Variants in CCSER1 observed in about 807,000 individuals in gnomAD.
CCSER1 encodes the protein coiled-coil serine rich protein 1.
A neutral mutation model predicts 82.0 loss-of-function variants in CCSER1; 41 were observed. The ratio of observed to expected loss-of-function variants is 0.50; its 90% CI spans 0.39 to 0.65. The LOEUF is 0.65. Among genes scored for constraint, CCSER1 ranks in the 30% least tolerant of loss-of-function variants. CCSER1 has a pLI of 0.00. For missense variants in CCSER1, 1,119 were observed against 1,064.2 expected (o/e 1.05, Z -0.72); for synonymous variants, 414 against 383.9 (o/e 1.08, Z -0.92).
At chr4:90,236,823 A>G (rs1745887352) in intron 1 of CCSER1, among the ~76,000 whole-genome samples, 1 of 152,086 alleles carries the variant, frequency 6.6e-6, no homozygotes, top group African/African-American at 2.4e-5. Flanking sequence ...TTATCATAAC[A>G]TGTTAGATGT....
chr4:91,402,777 A>G (rs1353119451), intron 10 of CCSER1, among the ~76,000 whole-genome samples: 1 of 152,174 alleles, frequency 6.6e-6, no homozygotes, highest in East Asian at 1.9e-4. Flanking sequence ...TACCAGTGCC[A>G]TGCTGTTTTG....
intron 9 of CCSER1, among the ~76,000 whole-genome samples, chr4:91,084,181 C>G (rs903397940): frequency 1.3e-5 from 2 of 152,088 alleles, no homozygotes; most frequent in African/African-American, 4.8e-5. Flanking sequence ...ATCCACCTGC[C>G]TGTGCCTCCC....
At chr4:91,460,292 T>C (rs1756433524) in intron 10 of CCSER1, among the ~76,000 whole-genome samples, 1 of 152,106 alleles carries the variant, frequency 6.6e-6, no homozygotes, top group Non-Finnish European at 1.5e-5. Context: ...TCCATTAACA[T>C]CTCAGATTTC....
chr4:90,903,632 G>A (rs1003209150), intron 8 of CCSER1, among the ~76,000 whole-genome samples: 3 of 152,024 alleles, frequency 2.0e-5, no homozygotes, highest in Non-Finnish European at 2.9e-5. Context: ...ACCACAATAT[G>A]ATTAGACTGT....
chr4:90,453,799 T>C (rs186299475), intron 4 of CCSER1, among the ~76,000 whole-genome samples: 71 of 152,264 alleles, frequency 4.7e-4, no homozygotes, highest in African/African-American at 1.7e-3. Flanking sequence ...ACACCCCTTA[T>C]GGTAGCACTA....
intron 3 of CCSER1, among the ~76,000 whole-genome samples, chr4:90,397,056 T>C (rs1752058492): frequency 6.6e-6 from 1 of 152,142 alleles, no homozygotes; most frequent in African/African-American, 2.4e-5. Flanking sequence ...CTGTAACATA[T>C]CATGTTGCTG....
intron 9 of CCSER1, among the ~76,000 whole-genome samples, chr4:91,049,309 A>G (rs988177610): frequency 1.3e-5 from 2 of 152,154 alleles, no homozygotes; most frequent in African/African-American, 2.4e-5. Flanking sequence ...TATCAGTTCA[A>G]TGCACCTATT....
intron 9 of CCSER1, among the ~76,000 whole-genome samples, chr4:91,069,068 G>A (rs1721153432): frequency 6.6e-6 from 1 of 152,062 alleles, no homozygotes; most frequent in Admixed American, 6.6e-5. Flanking sequence ...CAGCTACTAG[G>A]GAGGCTGAGG....
chr4:91,545,276 T>C (rs1578749927), intron 10 of CCSER1, among the ~76,000 whole-genome samples: 1 of 152,212 alleles, frequency 6.6e-6, no homozygotes, highest in East Asian at 1.9e-4. Flanking sequence ...TTGCACTTCC[T>C]GGGTGAGGTG....
intron 3 of CCSER1, among the ~76,000 whole-genome samples, chr4:90,384,122 ATCATT>A (rs1460481743): frequency 4.0e-5 from 6 of 150,242 alleles, no homozygotes; most frequent in Non-Finnish European, 8.9e-5. Flanking sequence ...TTTTGGTGCA[ATCATT>A]TTATTTTATT....
chr4:90,366,818 T>C (rs1746365301), intron 3 of CCSER1, among the ~76,000 whole-genome samples: 1 of 151,924 alleles, frequency 6.6e-6, no homozygotes, highest in African/African-American at 2.4e-5. Context: ...AAGTGGATAT[T>C]CTTAGAAACC....
rs1468309623 is a variant in CCSER1 at position 90,610,762 on chromosome 4, T to A, written c.1725-17263T>A. On this transcript the variant is annotated intron_variant, in intron 5 of 10. Transcript: ENST00000509176. The stretch of plus-strand genomic sequence containing the variant: ...TGAAGGCAAATATTATCAAATTTAT[T>A]AATATGCATTGAATAGCGCTAGAGT... 2.0e-5 allele frequency among the ~76,000 whole-genome samples: 3 copies of A among 152,248 alleles called. No individual in the cohort carries two copies. The East Asian group carries it at 5.8e-4, about 29-fold the overall frequency.
chr4:91,019,577 G>T (rs183283217), intron 9 of CCSER1, among the ~76,000 whole-genome samples: 5 of 152,192 alleles, frequency 3.3e-5, no homozygotes, highest in Admixed American at 3.3e-4. Context: ...TGTGCTTCCA[G>T]TTATGTTTAA....
intron 7 of CCSER1, among the ~76,000 whole-genome samples, chr4:90,728,570 C>T (rs1194312305): frequency 6.6e-6 from 1 of 152,038 alleles, no homozygotes; most frequent in Non-Finnish European, 1.5e-5. Flanking sequence ...TGTAGTGGCT[C>T]ACCCCTCTAA....
chr4:91,098,346 C>T (rs1724713351), intron 10 of CCSER1, among the ~76,000 whole-genome samples: 1 of 152,080 alleles, frequency 6.6e-6, no homozygotes, highest in South Asian at 2.1e-4. Context: ...AAATTATATT[C>T]TGAATTTCAA....
intron 9 of CCSER1, among the ~76,000 whole-genome samples, chr4:91,049,676 C>T (rs1033707750): frequency 6.6e-6 from 1 of 152,180 alleles, no homozygotes; most frequent in Non-Finnish European, 1.5e-5. Context: ...AATGTAATCA[C>T]ATCTCTGCAC....
At chr4:91,513,295 A>C (rs920720511) in intron 10 of CCSER1, among the ~76,000 whole-genome samples, 1 of 152,030 alleles carries the variant, frequency 6.6e-6, no homozygotes, top group Non-Finnish European at 1.5e-5. Context: ...TCCCAACCTT[A>C]TATTCCAGGA....
At chr4:90,400,885 G>A (rs1752767772) in intron 4 of CCSER1, among the ~76,000 whole-genome samples, 1 of 152,018 alleles carries the variant, frequency 6.6e-6, no homozygotes, top group South Asian at 2.1e-4. Context: ...TCATTTTCAA[G>A]TGGATATAGC....
At chr4:90,536,244 G>A (rs2153633357) in intron 5 of CCSER1, among the ~76,000 whole-genome samples, 2 of 152,144 alleles carry the variant, frequency 1.3e-5, no homozygotes, top group South Asian at 4.1e-4. Context: ...GTGTTAGCCA[G>A]GCTGGTCACG....
Sources: gnomAD v4.1 joint callset for allele counts (sites outside exome capture counted in the v4.1 genomes callset) on GRCh38, gnomAD v4.1.1 for gene constraint, MANE v1.5 for transcripts, NCBI Gene and HGNC (gene_info 2026-07-23, HGNC 2026-07-21) for gene names.